Variants in ARHGAP39 observed in about 807,000 individuals in gnomAD.
The protein encoded by ARHGAP39 is rho GTPase-activating protein 39.
Under a neutral mutation model 106.9 loss-of-function variants are expected in ARHGAP39, and 44 were observed. The observed-to-expected ratio is 0.41, with a 90% CI of 0.32 to 0.53. ARHGAP39 has a LOEUF of 0.53. Among genes scored for constraint, ARHGAP39 ranks in the 20% least tolerant of loss-of-function variants. ARHGAP39 has a pLI of 0.21. For missense variants in ARHGAP39, 1,496 were observed against 1,577.3 expected (o/e 0.95, Z 0.87); for synonymous variants, 768 against 693.2 (o/e 1.11, Z -1.69).
chr8:144,689,623 A>C (rs1253232075), upstream of ARHGAP39, among the ~76,000 whole-genome samples: 3 of 149,244 alleles, frequency 2.0e-5, no homozygotes, highest in East Asian at 5.9e-4. Flanking sequence ...TTTTAGTAAC[A>C]TGGGGTTTCA....
intron 1 of ARHGAP39, among the ~76,000 whole-genome samples, chr8:144,675,443 C>T (rs184565536): frequency 2.4e-4 from 37 of 152,286 alleles, no homozygotes; most frequent in Middle Eastern, 6.8e-3. Flanking sequence ...GGAGTTTGTT[C>T]CTTCTGGTGG....
chr8:144,607,946 C>T (rs950650433), intron 1 of ARHGAP39, among the ~76,000 whole-genome samples: 3 of 151,938 alleles, frequency 2.0e-5, no homozygotes, highest in Admixed American at 6.6e-5. Context: ...CATTTGAGGT[C>T]GGGGGTTCAA....
chr8:144,534,003 C>T lies in ARHGAP39; in HGVS notation c.2688+126G>A, dbSNP rs541669381. 1,099 of 1,074,024 alleles carry T rather than the reference C, an allele frequency of 1.0e-3. 1 individual carries two copies. The highest frequency in any genetic ancestry group is 1.4e-3 in the Non-Finnish European group (1,041 of 733,912). 66.5% of individuals were successfully genotyped at this position (1,074,024 alleles called of 1,614,324 possible). On this transcript the variant is annotated intron_variant, in intron 8 of 11. Coordinates refer to ENST00000377307, the MANE Select transcript of ARHGAP39 (RefSeq NM_025251.3). ...TAGCGTACCCCGCCACCCGCCTAGG[C>T]GGGCTCCATGTGGCACCCTCTGCGC...
At chr8:144,630,855 T>C (rs1329660950) in intron 1 of ARHGAP39, among the ~76,000 whole-genome samples, 1 of 152,288 alleles carries the variant, frequency 6.6e-6, no homozygotes, top group Non-Finnish European at 1.5e-5. Flanking sequence ...CTGTTGTCTA[T>C]AAATTACCCA....
chr8:144,544,890 C>T (rs930124962), intron 6 of ARHGAP39, among the ~76,000 whole-genome samples: 32 of 152,248 alleles, frequency 2.1e-4, no homozygotes, highest in African/African-American at 4.1e-4. Context: ...AAGGCAAGTG[C>T]GGCAGGCACA....
At chr8:144,618,471 C>T (rs1820696466) in intron 1 of ARHGAP39, among the ~76,000 whole-genome samples, 1 of 152,250 alleles carries the variant, frequency 6.6e-6, no homozygotes, top group Non-Finnish European at 1.5e-5. Context: ...TGGAGGTCAC[C>T]GTGGACTCTA....
In ARHGAP39 at chr8:144,652,904, C is replaced by T. The variant is rs1821608223; in HGVS notation, c.-82+32782G>A. On this transcript the variant is annotated intron_variant, in intron 1 of 11. Transcript: ENST00000377307. ...TGTAACAAACCTTCACATGTACCCC[C>T]CCGAATCTAAAATAAAAGTTAAAAA... Among the ~76,000 whole-genome samples, 3 of 151,854 alleles carry T rather than the reference C, an allele frequency of 2.0e-5. 1 individual carries two copies. The highest frequency in any genetic ancestry group is 4.4e-5 in the Non-Finnish European group (3 of 68,002).
chr8:144,650,796 C>G (rs893230776), intron 1 of ARHGAP39, among the ~76,000 whole-genome samples: 1 of 152,126 alleles, frequency 6.6e-6, no homozygotes, highest in Non-Finnish European at 1.5e-5. Context: ...ACAGCTACAT[C>G]ATACTGAATG....
Position 144,585,715 on chromosome 8 carries a change from G to A in ARHGAP39, c.81-4438C>T, listed in dbSNP as rs760953401. Among the ~76,000 whole-genome samples the A allele has an allele frequency of 3.3e-5, 5 of 152,198 alleles. No individual in the cohort carries two copies. The highest frequency in any genetic ancestry group is 9.7e-5 in the African/African-American group (4 of 41,442). ...CCACGCGCTGCAGCCTGGGCCTCCC[G>A]AGGATGTCGCTGGTTGTGGCAGTCG... On this transcript the variant is annotated intron_variant, in intron 2 of 11. Transcript: ENST00000377307. The surrounding 1 kb of genome is among the most constrained non-coding windows in gnomAD (Gnocchi z 4.6).
chr8:144,675,628 G>A (rs997881710), intron 1 of ARHGAP39, among the ~76,000 whole-genome samples: 6 of 151,272 alleles, frequency 4.0e-5, no homozygotes, highest in Non-Finnish European at 7.4e-5. Context: ...CTTAAAGGCA[G>A]TGCATCTGGA....
At chr8:144,677,161 A>G (rs776707584) in intron 1 of ARHGAP39, among the ~76,000 whole-genome samples, 12 of 152,146 alleles carry the variant, frequency 7.9e-5, no homozygotes, top group Non-Finnish European at 1.5e-4. Context: ...AATGGACCAC[A>G]TTGTGTTTAT....
intron 1 of ARHGAP39, among the ~76,000 whole-genome samples, chr8:144,680,010 CT>C (rs1176546713): frequency 1.1e-4 from 16 of 152,154 alleles, no homozygotes; most frequent in Non-Finnish European, 1.9e-4. Flanking sequence ...AATCTAAAGC[CT>C]TTAACTGGAA....
intron 6 of ARHGAP39, among the ~76,000 whole-genome samples, chr8:144,540,998 C>T (rs1817167558): frequency 6.6e-6 from 1 of 152,098 alleles, no homozygotes; most frequent in African/African-American, 2.4e-5. Flanking sequence ...ATTACAGGCG[C>T]CCGCCACCAT....
At chr8:144,627,566 A>AAAG (rs1820956654) in intron 1 of ARHGAP39, among the ~76,000 whole-genome samples, 1 of 150,502 alleles carries the variant, frequency 6.6e-6, no homozygotes, top group Non-Finnish European at 1.5e-5. Flanking sequence ...AAAAAAAAAA[A>AAAG]AAAAAGAAAG....
intron 1 of ARHGAP39, among the ~76,000 whole-genome samples, chr8:144,677,498 C>T (rs1291165565): frequency 6.6e-6 from 1 of 152,222 alleles, no homozygotes. Flanking sequence ...CCTACAGGTA[C>T]ATTTGCAAAA....
chr8:144,642,032 G>A (rs71520584), intron 1 of ARHGAP39, among the ~76,000 whole-genome samples: 12 of 152,210 alleles, frequency 7.9e-5, no homozygotes, highest in African/African-American at 2.2e-4. Context: ...ATCTGTGGTG[G>A]TTTGTTATGG....
intron 2 of ARHGAP39, among the ~76,000 whole-genome samples, chr8:144,601,756 T>A (rs1819970363): frequency 1.5e-5 from 2 of 133,624 alleles, no homozygotes; most frequent in Admixed American, 7.7e-5. Context: ...TGTGTGCTCG[T>A]GAACCTGTGT....
intron 2 of ARHGAP39, among the ~76,000 whole-genome samples, chr8:144,584,744 C>A (rs191615799): frequency 1.3e-4 from 20 of 152,318 alleles, no homozygotes; most frequent in Non-Finnish European, 2.5e-4. Flanking sequence ...GCCTGGGTGA[C>A]AGAGCGAGAC....
intron 1 of ARHGAP39, among the ~76,000 whole-genome samples, chr8:144,680,784 T>C (rs188558890): frequency 1.3e-5 from 2 of 152,310 alleles, no homozygotes; most frequent in East Asian, 1.9e-4. Flanking sequence ...TGGATCATAA[T>C]AGCGGCCACT....
Sources: allele counts gnomAD v4.1 joint callset (sites outside exome capture counted in the v4.1 genomes callset), GRCh38; gene constraint gnomAD v4.1.1; non-coding constraint Gnocchi (gnomAD v3.1); transcripts MANE v1.5; gene names NCBI Gene and HGNC (gene_info 2026-07-23, HGNC 2026-07-21).